The following SIN3B variants were observed in gnomAD, a reference collection of about 807,000 sequenced individuals.
SIN3B encodes the protein SIN3 transcription regulator family member B.
A neutral mutation model predicts 120.2 loss-of-function variants in SIN3B; 19 were observed. That is an observed-to-expected ratio of 0.16 (90% CI 0.11 to 0.23). The LOEUF is 0.23. Among genes scored for constraint, SIN3B ranks in the 10% least tolerant of loss-of-function variants. The pLI is 1.00. For missense variants in SIN3B, 1,073 were observed against 1,573.0 expected (o/e 0.68, Z 5.38); for synonymous variants, 654 against 653.2 (o/e 1.00, Z -0.02).
At chr19:16,852,271 C>G (rs1330227213) in intron 6 of SIN3B, among the ~76,000 whole-genome samples, 2 of 152,074 alleles carry the variant, frequency 1.3e-5, no homozygotes, top group African/African-American at 2.4e-5. Context: ...TTGGCATGTC[C>G]TCATCATTCT....
At chr19:16,871,147 G>C in intron 13 of SIN3B, 82 bp from the exon 14 acceptor site, 2 of 1,559,176 alleles carry the variant, frequency 1.3e-6, no homozygotes, top group South Asian at 2.2e-5. Flanking sequence ...GGCATTTGTT[G>C]GGGCTCTGTC....
intron 12 of SIN3B, among the ~76,000 whole-genome samples, chr19:16,869,235 C>T (rs1340321718): frequency 6.6e-6 from 1 of 152,164 alleles, no homozygotes; most frequent in African/African-American, 2.4e-5. Flanking sequence ...TTGGGTCTGC[C>T]TCACTTTCGG....
In SIN3B at chr19:16,836,599, C is replaced by T. The variant is rs568937739; in HGVS notation, c.381+4952C>T. Among the ~76,000 whole-genome samples the T allele has an allele frequency of 3.3e-5, 5 of 152,244 alleles. No homozygotes were observed. In the East Asian group the frequency reaches 7.7e-4, roughly 23 times the overall value. On this transcript the variant is annotated intron_variant, in intron 3 of 18. Coordinates refer to ENST00000248054, the MANE Select transcript of SIN3B (RefSeq NM_001297595.2). Reference sequence around the variant, plus strand: ...GGTGAGTCCTTAAGATGAGGTGGGCCCTGCACTGTCTTGTTCATGACTGTA... The same window carrying T: ...GGTGAGTCCTTAAGATGAGGTGGGCTCTGCACTGTCTTGTTCATGACTGTA...
At chr19:16,844,238 T>C (rs947426882) in intron 4 of SIN3B, 2 of 152,276 alleles carry the variant, frequency 1.3e-5, no homozygotes, top group Admixed American at 1.3e-4. Flanking sequence ...GTGTAAATTA[T>C]CCTGGTTTTA....
chr19:16,854,337 T>G lies in SIN3B; in HGVS notation c.1058+76T>G, dbSNP rs1403420762. On this transcript the variant is annotated intron_variant, in intron 8 of 18. Coordinates refer to ENST00000248054, the MANE Select transcript of SIN3B (RefSeq NM_001297595.2). ...CTCCATCTACTTGGTTTTTAGTTAC[T>G]GTTTTTGAGCAATGATTGTGCTTTT... The G allele has an allele frequency of 4.7e-6, 4 of 844,528 alleles. No individual in the cohort carries two copies. In the South Asian group the frequency reaches 4.8e-5, roughly 10 times the overall value. 52.3% of individuals were successfully genotyped at this position (844,528 alleles called of 1,614,324 possible). A position where few individuals can be genotyped will look rare whatever the true frequency, so the allele number is the denominator to read the frequency against.
chr19:16,835,082 G>A (rs1008619272), intron 3 of SIN3B, among the ~76,000 whole-genome samples: 7 of 149,626 alleles, frequency 4.7e-5, no homozygotes, highest in African/African-American at 1.2e-4. Context: ...ATGCACCAGC[G>A]CGCCCGACTA....
chr19:16,876,031 C>T lies in SIN3B; in HGVS notation c.2593-24C>T, dbSNP rs564511344. The T allele has an allele frequency of 9.8e-6, 15 of 1,536,178 alleles. No individual in the cohort carries two copies. The East Asian group carries it at 3.2e-4, about 33-fold the overall frequency. On this transcript the variant is annotated intron_variant, in intron 14 of 18. Transcript: ENST00000248054. The surrounding 1 kb of genome is among the most constrained non-coding windows in gnomAD (Gnocchi z 7.1). The stretch of plus-strand genomic sequence containing the variant: ...ACTCCCGCAGGAGGCGGGGTGGCCG[C>T]ACCACCTGCTTTCCTCCCGCCAGCT...
intron 4 of SIN3B, chr19:16,844,182 C>G (rs1971452743): frequency 6.6e-6 from 1 of 152,250 alleles, no homozygotes; most frequent in African/African-American, 2.4e-5. Context: ...CCTGGTGACT[C>G]CAGCCTCAGG....
At chr19:16,833,584 A>G (rs1392058036) in intron 3 of SIN3B, among the ~76,000 whole-genome samples, 4 of 149,870 alleles carry the variant, frequency 2.7e-5, no homozygotes, top group Admixed American at 1.3e-4. Context: ...GTGAGCAGAG[A>G]TTGTGCCACT....
chr19:16,875,158 G>GGGTCT (rs139318837), intron 14 of SIN3B, among the ~76,000 whole-genome samples: 63 of 139,658 alleles, frequency 4.5e-4, no homozygotes, highest in African/African-American at 1.6e-3. Context: ...GGTCTGGTTT[G>GGGTCT]GGTCTGGTCT....
intron 8 of SIN3B, among the ~76,000 whole-genome samples, chr19:16,857,727 G>T (rs1971635944): frequency 6.6e-6 from 1 of 152,106 alleles, no homozygotes; most frequent in Admixed American, 6.5e-5. Context: ...GCCCCTCACT[G>T]TGAGAGTGTC....
At position 16,857,865 on chromosome 19, in the gene SIN3B, C is replaced by CTCTTT. The variant is rs555825911; in HGVS notation, c.1058+3626_1058+3630dup. On this transcript the variant is annotated intron_variant, in intron 8 of 18. Coordinates refer to ENST00000248054, the MANE Select transcript of SIN3B (RefSeq NM_001297595.2). ...TGCTTTGCTTTGCTTCTTTTCTCTT[C>CTCTTT]TCTTTTCTTTTCTTTTCTTTTCTTT... 5.9e-3 allele frequency among the ~76,000 whole-genome samples: 902 copies of CTCTTT among 152,128 alleles called. 5 individuals carry two copies. The highest frequency in any genetic ancestry group is 0.017 in the African/African-American group (710 of 41,514).
chr19:16,874,260 G>A (rs1457108367), intron 14 of SIN3B, among the ~76,000 whole-genome samples: 1 of 152,218 alleles, frequency 6.6e-6, no homozygotes, highest in Non-Finnish European at 1.5e-5. Context: ...TCACACCCGG[G>A]CAGGGTTTGC....
chr19:16,878,258 G>A lies in SIN3B; in HGVS notation c.3030G>A (p.Trp1010Ter). 1 of 1,600,362 alleles carries A rather than the reference G, an allele frequency of 6.2e-7. No homozygotes were observed. Among genetic ancestry groups the A allele is most frequent in the Non-Finnish European group, 8.5e-7 (1 of 1,173,948 alleles). The change falls in exon 18 of 19, where the codon TGG becomes TGA. Residue 1010 changes from tryptophan (W) to a stop codon, truncating the protein, a stop_gained. Coordinates refer to ENST00000248054, the MANE Select transcript of SIN3B (RefSeq NM_001297595.2). LOFTEE classifies it high-confidence loss of function. ...TGCGCGGTGAGGCCAGGAGCTCCTG[G>A]AAGCGGCTGGTGGGCGTGGAGAGCG... ...RALRGEARSSWKRLVGVESAC... is the reference protein window; with the variant it reads ...RALRGEARSS
chr19:16,876,666 G>T lies in SIN3B; in HGVS notation c.2859+88G>T. 1 of 1,050,464 alleles carries T rather than the reference G, an allele frequency of 9.5e-7. No individual in the cohort carries two copies. Among genetic ancestry groups the T allele is most frequent in the Non-Finnish European group, 1.4e-6 (1 of 702,682 alleles). The allele number at this position is 1,050,464 out of a possible 1,614,324, so 65.1% of individuals were successfully genotyped here. A position where few individuals can be genotyped will look rare whatever the true frequency, so the allele number is the denominator to read the frequency against. ...GGCTCCCACCAGCCAAGCGCAGGCC[G>T]CGCAGCATCCAGAGACCCTCCCTCT... On this transcript the variant is annotated intron_variant, in intron 16 of 18. Transcript: ENST00000248054. The surrounding 1 kb of genome is among the most constrained non-coding windows in gnomAD (Gnocchi z 7.1).
At chr19:16,854,122 C>G in intron 7 of SIN3B, 21 bp from the exon 8 acceptor site, 1 of 1,588,164 alleles carries the variant, frequency 6.3e-7, no homozygotes, top group Non-Finnish European at 8.6e-7. Flanking sequence ...TCACAGTGGT[C>G]CCTGACTGCT....
In SIN3B at chr19:16,879,143, C is replaced by G. The variant is rs1404160353; in HGVS notation, c.*416C>G. ...TGGAGGGGGTCCATGTCCAAGAGAC[C>G]CTGACAAGGAAGGAGTTGAGCCCTG... On this transcript the variant is annotated 3_prime_UTR_variant, in exon 19 of 19. Transcript: ENST00000248054. 4.9e-6 allele frequency: 1 copy of G among 203,190 alleles called. No individual in the cohort carries two copies. The highest frequency in any genetic ancestry group is 9.8e-6 in the Non-Finnish European group (1 of 101,606). 12.6% of individuals were successfully genotyped at this position (203,190 alleles called of 1,614,324 possible).
intron 5 of SIN3B, among the ~76,000 whole-genome samples, chr19:16,848,126 A>T (rs533043600): frequency 3.2e-4 from 49 of 152,264 alleles, no homozygotes; most frequent in African/African-American, 1.1e-3. Context: ...TAGATGGATG[A>T]GCCACATTCT....
intron 11 of SIN3B, 71 bp downstream of exon 11, chr19:16,865,719 CCCCA>C: frequency 9.7e-7 from 1 of 1,026,358 alleles, no homozygotes; most frequent in Non-Finnish European, 1.5e-6. Flanking sequence ...CCCCTCCCCT[CCCCA>C]CTGCAGGGAG....
Sources: allele counts gnomAD v4.1 joint callset (sites outside exome capture counted in the v4.1 genomes callset), GRCh38; gene constraint gnomAD v4.1.1; non-coding constraint Gnocchi (gnomAD v3.1); transcripts MANE v1.5; gene names NCBI Gene and HGNC (gene_info 2026-07-23, HGNC 2026-07-21).